Variants in OR51B5 observed in about 807,000 individuals in gnomAD.
OR51B5 encodes olfactory receptor 51B5.
For synonymous variants in OR51B5, 186 were observed against 144.8 expected (o/e 1.28, Z -2.04); for missense variants, 456 against 374.6 (o/e 1.22, Z -1.79).
chr11:5,489,867 T>C (rs1851557545), intron 1 of OR51B5: 1 of 558,712 alleles, frequency 1.8e-6, no homozygotes, highest in African/African-American at 1.9e-5. Context: ...GAACTCTGAA[T>C]ACCCCAGAAA....
intron 1 of OR51B5, among the ~76,000 whole-genome samples, chr11:5,350,622 T>C (rs1325565880): frequency 1.3e-5 from 2 of 152,176 alleles, no homozygotes; most frequent in Non-Finnish European, 2.9e-5. Context: ...CTTGCCTAAA[T>C]TACCAATTTT....
chr11:5,491,009 T>A (rs945964536), intron 1 of OR51B5, among the ~76,000 whole-genome samples: 4 of 152,268 alleles, frequency 2.6e-5, no homozygotes, highest in African/African-American at 9.6e-5. Flanking sequence ...TAATACTTCA[T>A]CAGACTAGGC....
chr11:5,357,160 A>G (rs1053345708), intron 1 of OR51B5, among the ~76,000 whole-genome samples: 1 of 152,218 alleles, frequency 6.6e-6, no homozygotes, highest in Non-Finnish European at 1.5e-5. Flanking sequence ...TAAATGCTCC[A>G]GTAAAAAGAC....
chr11:5,364,240 G>A (rs912461869), intron 1 of OR51B5, among the ~76,000 whole-genome samples: 2 of 152,170 alleles, frequency 1.3e-5, no homozygotes, highest in South Asian at 2.1e-4. Context: ...CTATGACAAA[G>A]TTTGACATAG....
rs370014769 is a variant in OR51B5 at position 5,437,974 on chromosome 11, A to AAGGAACAG, written n.84+67587_84+67594dup. On this transcript the variant is annotated intron_variant and non_coding_transcript_variant, in intron 1 of 4. Transcript: ENST00000415970. ...CCCCATGTGGAGCACTGAAATATCA[A>AAGGAACAG]AGGAACAGAGGAACAGTGGCAGAAG... 2.0e-3 allele frequency among the ~76,000 whole-genome samples: 309 copies of AAGGAACAG among 152,320 alleles called. 1 individual carries two copies. Among genetic ancestry groups the AAGGAACAG allele is most frequent in the African/African-American group, 6.8e-3 (284 of 41,586 alleles).
rs544203317 is a variant in OR51B5, at chr11:5,499,718, T to C, written n.84+5851A>G. ...CTTTCTACCAAGCCTTAAAAATATG[T>C]CCTGAATCTATCACCCTATCAGTAC... On this transcript the variant is annotated intron_variant and non_coding_transcript_variant, in intron 1 of 4. Transcript: ENST00000415970. 7.2e-5 allele frequency among the ~76,000 whole-genome samples: 11 copies of C among 152,290 alleles called. No individual in the cohort carries two copies. In the South Asian group the frequency reaches 2.1e-3, roughly 29 times the overall value.
intron 1 of OR51B5, chr11:5,431,750 G>A (rs1412647298): frequency 3.3e-5 from 5 of 152,408 alleles, no homozygotes; most frequent in African/African-American, 4.8e-5. Flanking sequence ...AGTCATCTAC[G>A]TCATTCTGAA....
chr11:5,418,626 G>A (rs372869086), intron 1 of OR51B5, among the ~76,000 whole-genome samples: 1 of 151,720 alleles, frequency 6.6e-6, no homozygotes, highest in African/African-American at 2.4e-5. Context: ...AATATCGCAA[G>A]GACAGAAAAC....
rs1235641105 is a variant in OR51B5 at position 5,385,711 on chromosome 11, T to C, written n.85-38801A>G. Among the ~76,000 whole-genome samples, 5 of 144,306 alleles carry C rather than the reference T, an allele frequency of 3.5e-5. No individual in the cohort carries two copies. The East Asian group carries it at 9.8e-4, about 28-fold the overall frequency. 94.7% of individuals were successfully genotyped at this position (144,306 alleles called of 152,430 possible). ...TATAATATATATGTTGTACAAAGTA[T>C]ATATATGTGTACAAATATCTAATAT... On this transcript the variant is annotated intron_variant and non_coding_transcript_variant, in intron 1 of 4. Coordinates refer to the OR51B5 transcript ENST00000415970.
At chr11:5,505,636 G>A (rs1208829400) in exon 1 of OR51B5, 3 of 420,846 alleles carry the variant, frequency 7.1e-6, no homozygotes, top group Non-Finnish European at 1.2e-5. Context: ...TACTGGAATG[G>A]CAGCAGGCAA....
At chr11:5,499,279 A>ACTCTTTGACCTATTTCTGTGAATAGGT (rs1554898505) in intron 1 of OR51B5, among the ~76,000 whole-genome samples, 4 of 2,370 alleles carry the variant, frequency 1.7e-3, no homozygotes, top group Admixed American at 4.9e-3. Flanking sequence ...GCCTTTGGTT[A>ACTCTTTGACCTATTTCTGTGAATAGGT]CTCTTTGACC....
chr11:5,340,932 AAAAACCTACC>A, downstream of OR51B5: 1 of 152,312 alleles, frequency 6.6e-6, no homozygotes, highest in Middle Eastern at 3.4e-3. Flanking sequence ...AAAACAGGAC[AAAAACCTACC>A]ATCACATATA....
At chr11:5,489,427 C>G (rs777839271) in intron 1 of OR51B5, 26 of 1,613,890 alleles carry the variant, frequency 1.6e-5, no homozygotes, top group Non-Finnish European at 2.1e-5. Flanking sequence ...GCACAAAGCT[C>G]TGAGTACCTG....
intron 1 of OR51B5, among the ~76,000 whole-genome samples, chr11:5,501,281 G>C (rs763350863): frequency 6.8e-6 from 1 of 147,922 alleles, no homozygotes; most frequent in African/African-American, 2.4e-5. Flanking sequence ...CCCACCAAAA[G>C]AGGAATGCCT....
chr11:5,358,625 C>A (rs1481061754), intron 1 of OR51B5, among the ~76,000 whole-genome samples: 1 of 152,060 alleles, frequency 6.6e-6, no homozygotes, highest in Non-Finnish European at 1.5e-5. Context: ...AAGAGGGAAT[C>A]CTCCCTAACT....
chr11:5,409,683 T>A (rs1850114242), intron 1 of OR51B5, among the ~76,000 whole-genome samples: 1 of 152,168 alleles, frequency 6.6e-6, no homozygotes, highest in South Asian at 2.1e-4. Flanking sequence ...GGACATATTT[T>A]AAAAATGTAA....
At chr11:5,495,923 C>G (rs445316) in intron 1 of OR51B5, among the ~76,000 whole-genome samples, 1 of 152,158 alleles carries the variant, frequency 6.6e-6, no homozygotes, top group South Asian at 2.1e-4. Flanking sequence ...CAAAATACAG[C>G]GTAGCAGGGT....
rs181381641 is a variant in OR51B5 at position 5,417,364 on chromosome 11, A to T, written n.85-70454T>A. On this transcript the variant is annotated intron_variant and non_coding_transcript_variant, in intron 1 of 4. Coordinates refer to the OR51B5 transcript ENST00000415970. Reference sequence around the variant, plus strand: ...GGCATTACCATTCAGGACATAGGCAAGGGCAAGGACTTCAGGTCTAAAACA... The same window carrying T: ...GGCATTACCATTCAGGACATAGGCATGGGCAAGGACTTCAGGTCTAAAACA... 6.0e-3 allele frequency among the ~76,000 whole-genome samples: 909 copies of T among 152,142 alleles called. 5 individuals carry two copies. The highest frequency in any genetic ancestry group is 8.9e-3 in the Non-Finnish European group (608 of 68,010).
intron 1 of OR51B5, among the ~76,000 whole-genome samples, chr11:5,381,596 ATCTG>A (rs1333837155): frequency 2.6e-5 from 4 of 152,228 alleles, no homozygotes; most frequent in Non-Finnish European, 5.9e-5. Context: ...TGACATGTTA[ATCTG>A]TCTATCTTCA....
Sources: gnomAD v4.1 joint callset for allele counts (sites outside exome capture counted in the v4.1 genomes callset) on GRCh38, gnomAD v4.1.1 for gene constraint, MANE v1.5 for transcripts, NCBI Gene and HGNC (gene_info 2026-07-23, HGNC 2026-07-21) for gene names.